CPO: variants seen among roughly 807,000 people sequenced by gnomAD.
The protein encoded by CPO is carboxypeptidase O.
A neutral mutation model predicts 41.2 loss-of-function variants in CPO; 43 were observed. That is an observed-to-expected ratio of 1.04 (90% CI 0.82 to 1.35). The LOEUF (loss-of-function observed/expected upper bound fraction) is 1.35, where lower values mean the gene tolerates loss of function less well. CPO is among the 40% of genes most tolerant of loss of function. CPO has a pLI of 0.00. For synonymous variants in CPO, 178 were observed against 162.7 expected (o/e 1.09, Z -0.72); for missense variants, 408 against 451.7 (o/e 0.90, Z 0.88).
rs774388049 is a variant in CPO, at chr2:206,958,396, C to T, written c.363C>T (p.Phe121=). The T allele has an allele frequency of 2.6e-5, 41 of 1,577,486 alleles. No individual in the cohort carries two copies. The highest frequency in any genetic ancestry group is 4.5e-5 in the South Asian group (4 of 88,150). ...EWIAPAFCQW[F]VKEILQNHKD... is the part of the protein sequence containing the mutation. ...TTGCTCCTGCTTTTTGCCAATGGTT[C>T]GTCAAAGAAGTAAGTGTCTTTAGCT... Residue 121 remains phenylalanine, a synonymous_variant, in exon 4 of 9, where the codon TTC becomes TTT. Coordinates refer to ENST00000272852, the MANE Select transcript of CPO (RefSeq NM_173077.3).
At chr2:206,955,170 G>T (rs933016059) in intron 2 of CPO, among the ~76,000 whole-genome samples, 1 of 152,196 alleles carries the variant, frequency 6.6e-6, no homozygotes, top group Non-Finnish European at 1.5e-5. Context: ...TCAATTGAAG[G>T]ATGTACTGTT....
rs1289996041 is a variant in CPO, at chr2:206,939,612, C to G, written c.13C>G (p.Leu5Val). The change falls in exon 1 of 9, where the codon CTT becomes GTT. Residue 5 changes from leucine (L) to valine (V), a missense_variant. Physicochemically the swap from Leu to Val is conservative, Grantham distance 32. Transcript: ENST00000272852. MKPLLETLYLLGMLV... is the reference protein window; with the variant it reads MKPLVETLYLLGMLV... ...ACTGTGTGGCAGAATGAAGCCTCTGCTTGAAACCCTTTATCTTTTGGGGAT... is the reference window on the plus strand; with the variant it reads ...ACTGTGTGGCAGAATGAAGCCTCTGGTTGAAACCCTTTATCTTTTGGGGAT... 29 of 1,610,984 alleles carry G rather than the reference C, an allele frequency of 1.8e-5. No individual in the cohort carries two copies. The Middle Eastern group carries it at 6.6e-4, about 37-fold the overall frequency.
intron 1 of CPO, among the ~76,000 whole-genome samples, chr2:206,943,721 GGATAGATGATAGATA>G (rs1407697130): frequency 1.8e-4 from 22 of 121,416 alleles, no homozygotes; most frequent in Non-Finnish European, 3.5e-4. Flanking sequence ...GATAGATGAT[GGATAGATGATAGATA>G]GATAGATAGA....
chr2:206,961,789 A>G (rs1693482267), intron 6 of CPO, among the ~76,000 whole-genome samples: 1 of 151,994 alleles, frequency 6.6e-6, no homozygotes, highest in South Asian at 2.1e-4. Flanking sequence ...GGCCCACCAC[A>G]GGTTTAAGTA....
chr2:206,967,783 G>A (rs535927189), intron 7 of CPO, among the ~76,000 whole-genome samples: 1 of 152,260 alleles, frequency 6.6e-6, no homozygotes, highest in East Asian at 1.9e-4. Context: ...TGAGCAATGA[G>A]GAGCTCTTGA....
intron 1 of CPO, among the ~76,000 whole-genome samples, chr2:206,948,257 T>A (rs541627386): frequency 3.2e-4 from 49 of 152,300 alleles, no homozygotes; most frequent in Non-Finnish European, 5.7e-4. Flanking sequence ...AATAAAGAAA[T>A]TAGCTTATTA....
At position 206,958,380 on chromosome 2, in the gene CPO, CT is replaced by C; in HGVS notation, c.352del (p.Cys118AlafsTer35). 6.2e-7 allele frequency: 1 copy of C among 1,601,018 alleles called. No homozygotes were observed. The highest frequency in any genetic ancestry group is 2.3e-5 in the East Asian group (1 of 44,238). ...CACGCCAGAGAATGGATTGCTCCTG[CT>C]TTTTGCCAATGGTTCGTCAAAGAAG... ...GIHAREWIAPAFCQWFVKEIL... is the reference protein window; with the variant it reads ...GIHAREWIAPXFCQWFVKEIL... On this transcript the variant is annotated frameshift_variant, in exon 4 of 9. Transcript: ENST00000272852. LOFTEE classifies it high-confidence loss of function.
At chr2:206,949,389 T>C (rs1693207649) in intron 1 of CPO, among the ~76,000 whole-genome samples, 1 of 152,166 alleles carries the variant, frequency 6.6e-6, no homozygotes, top group Admixed American at 6.6e-5. Flanking sequence ...CCCTGCAAGG[T>C]TGGAATAATT....
chr2:206,968,209 T>C, intron 7 of CPO, 54 bp from the exon 8 acceptor site: 1 of 1,191,332 alleles, frequency 8.4e-7, no homozygotes. Flanking sequence ...AATGGTTGGA[T>C]TGTTGGATTT....
At position 206,949,730 on chromosome 2, in the gene CPO, G is replaced by A. The variant is rs557477673; in HGVS notation, c.165+17G>A. 16 of 1,551,636 alleles carry A rather than the reference G, an allele frequency of 1.0e-5. No homozygotes were observed. The East Asian group carries it at 3.1e-4, about 31-fold the overall frequency. ...ATGGGAGAGGTAAGGAAGGACACATGGCAGGAGGTTGGTGGTTGTCACAAC... is the reference window on the plus strand; with the variant it reads ...ATGGGAGAGGTAAGGAAGGACACATAGCAGGAGGTTGGTGGTTGTCACAAC... On this transcript the variant is annotated intron_variant, in intron 2 of 8. Transcript: ENST00000272852.
At chr2:206,958,505 T>C in intron 4 of CPO, 100 bp downstream of exon 4, 1 of 640,624 alleles carries the variant, frequency 1.6e-6, no homozygotes, top group Non-Finnish European at 2.8e-6. Flanking sequence ...ATGTTAGTGA[T>C]GCAACTCTTT....
chr2:206,967,291 G>C (rs997917280), intron 7 of CPO, among the ~76,000 whole-genome samples: 7 of 151,134 alleles, frequency 4.6e-5, no homozygotes, highest in African/African-American at 1.7e-4. Flanking sequence ...GTGAAGTGGT[G>C]GTAGGTGTGG....
intron 2 of CPO, among the ~76,000 whole-genome samples, chr2:206,953,311 T>G (rs1693299517): frequency 6.6e-6 from 1 of 152,214 alleles, no homozygotes; most frequent in Non-Finnish European, 1.5e-5. Flanking sequence ...AGTTAGTTAC[T>G]TCCTAGATAC....
intron 3 of CPO, among the ~76,000 whole-genome samples, chr2:206,956,644 T>C (rs1693372252): frequency 6.6e-6 from 1 of 152,226 alleles, no homozygotes; most frequent in South Asian, 2.1e-4. Context: ...AGTGCATTTC[T>C]AACAAGTTCC....
intron 7 of CPO, among the ~76,000 whole-genome samples, chr2:206,966,649 G>C (rs1012312129): frequency 2.0e-5 from 3 of 152,142 alleles, no homozygotes; most frequent in African/African-American, 7.2e-5. Context: ...CACAAACCCA[G>C]GAACTGAGGC....
chr2:206,948,512 C>A (rs1693188838), intron 1 of CPO, among the ~76,000 whole-genome samples: 2 of 152,144 alleles, frequency 1.3e-5, no homozygotes. Context: ...ACTTACAATC[C>A]CAGCACTTTA....
In CPO at chr2:206,969,336, A is replaced by G. The variant is rs1297308035; in HGVS notation, c.1025A>G (p.Asp342Gly). ...ETMEAVLSVL[D>G]DVYAKHWHSD... ...ATGGAGGCTGTGCTGTCAGTCCTGG[A>G]TGATGTGTATGCGAAACACTGGCAC... The change falls in exon 9 of 9, where the codon GAT (aspartate) becomes GGT (glycine). Residue 342 changes from aspartate (D) to glycine (G), a missense_variant. Coordinates refer to ENST00000272852, the MANE Select transcript of CPO (RefSeq NM_173077.3). 8 of 1,613,874 alleles carry G rather than the reference A, an allele frequency of 5.0e-6. No individual in the cohort carries two copies. Among genetic ancestry groups the G allele is most frequent in the Non-Finnish European group, 5.1e-6 (6 of 1,180,000 alleles).
rs1268396308 is a variant in CPO, at chr2:206,962,451, G to C, written c.614G>C (p.Cys205Ser). 1 of 1,614,130 alleles carries C rather than the reference G, an allele frequency of 6.2e-7. No homozygotes were observed. The highest frequency in any genetic ancestry group is 8.5e-7 in the Non-Finnish European group (1 of 1,179,994). The change falls in exon 7 of 9, where the codon TGT becomes TCT. Residue 205 changes from cysteine to serine, a missense_variant. Coordinates refer to ENST00000272852, the MANE Select transcript of CPO (RefSeq NM_173077.3). ...AGAAACTGCCAAGATCAAACATTCTGTGGGACAGGGCCAGTGTCTGAACCA... is the reference window on the plus strand; with the variant it reads ...AGAAACTGCCAAGATCAAACATTCTCTGGGACAGGGCCAGTGTCTGAACCA... ...ASRNCQDQTF[C>S]GTGPVSEPET...
At chr2:206,955,079 G>A (rs1473971819) in intron 2 of CPO, among the ~76,000 whole-genome samples, 2 of 152,204 alleles carry the variant, frequency 1.3e-5, no homozygotes, top group Admixed American at 6.5e-5. Context: ...GATCTGTAAA[G>A]ATGGAAGAAA....
Sources: allele counts gnomAD v4.1 joint callset (sites outside exome capture counted in the v4.1 genomes callset), GRCh38; gene constraint gnomAD v4.1.1; transcripts MANE v1.5; gene names NCBI Gene and HGNC (gene_info 2026-07-23, HGNC 2026-07-21).